Variants in KAZN observed in about 807,000 individuals in gnomAD.
The protein encoded by KAZN is kazrin.
In KAZN, 40 loss-of-function variants were observed where a neutral mutation model predicts 87.4. That is an observed-to-expected ratio of 0.46 (90% CI 0.36 to 0.60). The LOEUF (loss-of-function observed/expected upper bound fraction) is 0.60, where lower values mean the gene tolerates loss of function less well. Among genes scored for constraint, KAZN ranks in the 20% least tolerant of loss-of-function variants. The pLI is 0.00. For missense variants in KAZN, 898 were observed against 1,073.9 expected (o/e 0.84, Z 2.29); for synonymous variants, 466 against 458.3 (o/e 1.02, Z -0.22).
At chr1:15,046,594 G>A (rs567736341) in intron 4 of KAZN, among the ~76,000 whole-genome samples, 11 of 152,316 alleles carry the variant, frequency 7.2e-5, no homozygotes, top group South Asian at 4.1e-4. Flanking sequence ...ATTTGGCACC[G>A]GGCCTGGATT....
intron 1 of KAZN, among the ~76,000 whole-genome samples, chr1:14,120,505 A>G (rs1644729417): frequency 6.6e-6 from 1 of 152,198 alleles, no homozygotes; most frequent in Non-Finnish European, 1.5e-5. Flanking sequence ...TTTTATTACA[A>G]GGGTTTGGGT....
chr1:15,048,695 GTTGA>G (rs1673903294), intron 4 of KAZN, among the ~76,000 whole-genome samples: 2 of 144,852 alleles, frequency 1.4e-5, no homozygotes, highest in African/African-American at 2.8e-5. Context: ...GTCCTGGGTC[GTTGA>G]TCCTTGGTCG....
chr1:14,226,105 C>CA (rs2100520105), intron 2 of KAZN, among the ~76,000 whole-genome samples: 1 of 152,204 alleles, frequency 6.6e-6, no homozygotes, highest in East Asian at 1.9e-4. Context: ...ACCCTATCAA[C>CA]AGAGTAAACA....
intron 1 of KAZN, among the ~76,000 whole-genome samples, chr1:14,844,217 G>T (rs1284061926): frequency 6.6e-6 from 1 of 152,140 alleles, no homozygotes; most frequent in African/African-American, 2.4e-5. Context: ...CCTTAGGAAA[G>T]CTCCTGCCCT....
At chr1:14,152,786 T>A (rs941278290) in intron 1 of KAZN, among the ~76,000 whole-genome samples, 1 of 152,252 alleles carries the variant, frequency 6.6e-6, no homozygotes, top group African/African-American at 2.4e-5. Flanking sequence ...ATAGTGGTTG[T>A]ACTAATTTAT....
chr1:14,233,728 A>AC (rs1648092587), intron 2 of KAZN, among the ~76,000 whole-genome samples: 1 of 152,218 alleles, frequency 6.6e-6, no homozygotes, highest in South Asian at 2.1e-4. Flanking sequence ...ACTGGTCAGA[A>AC]AACCTCCACA....
At chr1:14,493,544 T>C (rs1669791198) in intron 2 of KAZN, among the ~76,000 whole-genome samples, 1 of 152,314 alleles carries the variant, frequency 6.6e-6, no homozygotes, top group South Asian at 2.1e-4. Flanking sequence ...TGTTGTTTCA[T>C]CTTGTTTCAG....
intron 1 of KAZN, among the ~76,000 whole-genome samples, chr1:13,955,259 A>G (rs143834847): frequency 0.02 from 3,089 of 152,222 alleles, 48 homozygotes; most frequent in South Asian, 0.045. Context: ...CTTTATTAAT[A>G]TGGTCCGTCT....
intron 2 of KAZN, among the ~76,000 whole-genome samples, chr1:14,560,478 C>T (rs1031348656): frequency 6.6e-6 from 1 of 152,156 alleles, no homozygotes; most frequent in Admixed American, 6.5e-5. Context: ...ACTCAGAAGG[C>T]TGAGGCAGAG....
chr1:14,997,208 T>TTC, intron 2 of KAZN, among the ~76,000 whole-genome samples: 1 of 4,750 alleles, frequency 2.1e-4, no homozygotes, highest in South Asian at 5.7e-3. Flanking sequence ...TTCTTTCATT[T>TTC]ATTTATTTAT....
At chr1:14,412,197 A>G (rs574437019) in intron 2 of KAZN, among the ~76,000 whole-genome samples, 22 of 152,384 alleles carry the variant, frequency 1.4e-4, no homozygotes, top group African/African-American at 5.0e-4. Context: ...GCATCAGGGC[A>G]TAAATCTAAG....
chr1:14,045,946 AGAAAAGCCAG>A (rs1378265515), intron 1 of KAZN, among the ~76,000 whole-genome samples: 2 of 152,232 alleles, frequency 1.3e-5, no homozygotes, highest in Admixed American at 1.3e-4. Flanking sequence ...TATAACTGTG[AGAAAAGCCAG>A]GAAAACGTAC....
intron 2 of KAZN, among the ~76,000 whole-genome samples, chr1:14,232,674 G>T (rs1472420783): frequency 6.6e-6 from 1 of 152,176 alleles, no homozygotes; most frequent in Admixed American, 6.5e-5. Flanking sequence ...AATGTTGCGT[G>T]ATGTTCCAGT....
chr1:13,944,234 T>C (rs897997452), intron 1 of KAZN, among the ~76,000 whole-genome samples: 1 of 152,136 alleles, frequency 6.6e-6, no homozygotes, highest in African/African-American at 2.4e-5. Flanking sequence ...TAGATGAACG[T>C]TGAAAATAGC....
intron 2 of KAZN, among the ~76,000 whole-genome samples, chr1:14,378,029 T>C (rs1039260777): frequency 4.6e-5 from 7 of 152,222 alleles, no homozygotes; most frequent in African/African-American, 1.7e-4. Flanking sequence ...GCCAGAATTT[T>C]TAAATGTATT....
rs1658762965 is a variant in KAZN, at chr1:14,923,307, CCAGAT to C, written c.227-37374_227-37370del. Among the ~76,000 whole-genome samples, 1 of 152,166 alleles carries C rather than the reference CCAGAT, an allele frequency of 6.6e-6. No homozygotes were observed. The highest frequency in any genetic ancestry group is 2.1e-4 in the South Asian group (1 of 4,826). On this transcript the variant is annotated intron_variant, in intron 1 of 14. Coordinates refer to ENST00000376030, the MANE Select transcript of KAZN (RefSeq NM_201628.3). This position sits in a 1 kb window ranked among gnomAD's most constrained non-coding sequence, Gnocchi z 4.2. Reference sequence around the variant, plus strand: ...GTCTTTCTAAACAGCATCGTAATCCCCAGATCAAAGGGGGCTCAGAGCTGCACACT... The same window carrying C: ...GTCTTTCTAAACAGCATCGTAATCCCCAAAGGGGGCTCAGAGCTGCACACT...
intron 1 of KAZN, among the ~76,000 whole-genome samples, chr1:14,036,429 G>A (rs760673474): frequency 4.6e-5 from 7 of 152,190 alleles, no homozygotes; most frequent in Non-Finnish European, 1.0e-4. Flanking sequence ...GGTTGGGCAG[G>A]ACCCTTTCCA....
At chr1:14,622,526 TAAAA>T (rs1678781139) in intron 1 of KAZN, among the ~76,000 whole-genome samples, 3 of 151,520 alleles carry the variant, frequency 2.0e-5, no homozygotes, top group Admixed American at 1.3e-4. Context: ...CCGTCTCTAC[TAAAA>T]ATACAAAAAA....
At position 14,660,082 on chromosome 1, in the gene KAZN, G is replaced by A. The variant is rs938036706; in HGVS notation, c.226+60859G>A. 5.3e-5 allele frequency among the ~76,000 whole-genome samples: 8 copies of A among 152,118 alleles called. 1 individual carries two copies. Among genetic ancestry groups the A allele is most frequent in the African/African-American group, 9.7e-5 (4 of 41,422 alleles). On this transcript the variant is annotated intron_variant, in intron 1 of 14. Transcript: ENST00000376030. ...AGGGCAGCCGCTCTGCAACTACCGGGAGATAATCTTGATAATGCGATTAGG... is the reference window on the plus strand; with the variant it reads ...AGGGCAGCCGCTCTGCAACTACCGGAAGATAATCTTGATAATGCGATTAGG...
Sources: allele counts gnomAD v4.1 joint callset (sites outside exome capture counted in the v4.1 genomes callset), GRCh38; gene constraint gnomAD v4.1.1; non-coding constraint Gnocchi (gnomAD v3.1); transcripts MANE v1.5; gene names NCBI Gene and HGNC (gene_info 2026-07-23, HGNC 2026-07-21).